NRG2: variants seen among roughly 807,000 people sequenced by gnomAD.
The protein encoded by NRG2 is pro-neuregulin-2, membrane-bound isoform.
NRG2 carries 27 observed loss-of-function variants against 73.9 expected under a neutral mutation model. The observed-to-expected ratio is 0.37, with a 90% CI of 0.27 to 0.50. The LOEUF (loss-of-function observed/expected upper bound fraction) is 0.50, where lower values mean the gene tolerates loss of function less well. Ranked by LOEUF, NRG2 falls within the 20% of genes least tolerant of loss-of-function variation. The probability of loss-of-function intolerance (pLI) is 0.96; values close to 1 mark genes in which losing one functional copy is unlikely to be tolerated. For synonymous variants in NRG2, 532 were observed against 541.0 expected, an observed-to-expected ratio of 0.98 and a Z score of 0.23; for missense variants, 1,126 against 1,210.1, an observed-to-expected ratio of 0.93 and a Z score of 1.03.
chr5:139,947,520 C>T (rs958825505), intron 1 of NRG2, among the ~76,000 whole-genome samples: 9 of 152,126 alleles, frequency 5.9e-5, no homozygotes, highest in African/African-American at 1.7e-4. Flanking sequence ...TTGTTTATTA[C>T]GAATAATGCT....
rs1751159522 is a variant in NRG2, at chr5:139,915,223, T to C, written c.701-27712A>G. On this transcript the variant is annotated intron_variant, in intron 1 of 9. Coordinates refer to ENST00000361474, the MANE Select transcript of NRG2 (RefSeq NM_004883.3). This position sits in a 1 kb window ranked among gnomAD's most constrained non-coding sequence, Gnocchi z 4.0. ...CTGTAAAATCATTATCTGACAATCA[T>C]AATTTTATTTTTAAGAGCTTATTAC... is the stretch of plus-strand genomic sequence containing the variant. Among the ~76,000 whole-genome samples, 1 of 152,218 alleles carries C rather than the reference T, an allele frequency of 6.6e-6. No homozygotes were observed. Among genetic ancestry groups the C allele is most frequent in the Non-Finnish European group, 1.5e-5 (1 of 68,030 alleles).
intron 1 of NRG2, among the ~76,000 whole-genome samples, chr5:139,991,876 C>G (rs1295464885): frequency 6.6e-6 from 1 of 152,154 alleles, no homozygotes; most frequent in Non-Finnish European, 1.5e-5. Context: ...CTATGTGAGG[C>G]AGTTTCTGAG....
chr5:139,881,028 C>T, intron 2 of NRG2, 54 bp from the exon 3 acceptor site: 1 of 1,489,510 alleles, frequency 6.7e-7, no homozygotes, highest in Non-Finnish European at 9.4e-7. Flanking sequence ...CCGGCTGTGG[C>T]TCCCCAGCAG....
intron 1 of NRG2, among the ~76,000 whole-genome samples, chr5:139,930,058 A>C (rs1003883951): frequency 6.6e-6 from 1 of 152,188 alleles, no homozygotes; most frequent in Admixed American, 6.5e-5. Context: ...TTCTGTACCA[A>C]GATTTTAACA....
intron 1 of NRG2, among the ~76,000 whole-genome samples, chr5:139,909,870 A>G (rs1256428914): frequency 6.6e-6 from 1 of 152,208 alleles, no homozygotes; most frequent in African/African-American, 2.4e-5. Context: ...AGAGCCCCCT[A>G]ATGCATCAGA....
intron 1 of NRG2, among the ~76,000 whole-genome samples, chr5:140,024,219 A>C (rs1386960589): frequency 6.6e-6 from 1 of 151,904 alleles, no homozygotes; most frequent in Non-Finnish European, 1.5e-5. Flanking sequence ...TTGTTTTCAT[A>C]GTATCTGGTC....
Position 139,852,714 on chromosome 5 carries a change from C to A in NRG2, c.1417-155G>T, listed in dbSNP as rs2302984. 0.08 allele frequency among the ~76,000 whole-genome samples: 12,179 copies of A among 152,238 alleles called. 507 individuals carry two copies. The highest frequency in any genetic ancestry group is 0.13 in the Middle Eastern group (38 of 294). On this transcript the variant is annotated intron_variant, in intron 7 of 9. Transcript: ENST00000361474. The surrounding 1 kb of genome is among the most constrained non-coding windows in gnomAD (Gnocchi z 4.4). The stretch of plus-strand genomic sequence containing the variant: ...GATGTTGGGGCAGCGATGGCTCCAG[C>A]AAATCAACCCCCACCCCTTCCTCAT...
chr5:139,879,473 C>T (rs578255577), intron 3 of NRG2, among the ~76,000 whole-genome samples: 1 of 152,250 alleles, frequency 6.6e-6, no homozygotes, highest in East Asian at 1.9e-4. Flanking sequence ...GCCCATTTTA[C>T]AGTAGGAAAG....
rs1445863671 is a variant in NRG2, at chr5:139,851,940, G to C, written c.1545-109C>G. On this transcript the variant is annotated intron_variant, in intron 8 of 9. Coordinates refer to ENST00000361474, the MANE Select transcript of NRG2 (RefSeq NM_004883.3). The surrounding 1 kb of genome is among the most constrained non-coding windows in gnomAD (Gnocchi z 4.2). ...TCTTCTTCCACCTCGAGCTCCCTTAGCTCAATGCCCTTCTCCACTCTGGGG... is the reference window on the plus strand; with the variant it reads ...TCTTCTTCCACCTCGAGCTCCCTTACCTCAATGCCCTTCTCCACTCTGGGG... 4.6e-6 allele frequency: 4 copies of C among 867,828 alleles called. No homozygotes were observed. Among genetic ancestry groups the C allele is most frequent in the Non-Finnish European group, 7.3e-6 (4 of 550,072 alleles). The allele number at this position is 867,828 out of a possible 1,614,324, so 53.8% of individuals were successfully genotyped here.
At chr5:139,970,453 C>G (rs751703265) in intron 1 of NRG2, among the ~76,000 whole-genome samples, 1 of 151,696 alleles carries the variant, frequency 6.6e-6, no homozygotes, top group African/African-American at 2.4e-5. Context: ...TGGAGGGGCC[C>G]TCAAGAGTGA....
At chr5:139,947,432 A>G (rs182366981) in intron 1 of NRG2, among the ~76,000 whole-genome samples, 1,958 of 152,340 alleles carry the variant, frequency 0.013, 31 homozygotes, top group African/African-American at 0.044. Flanking sequence ...TCTGTTGCCA[A>G]ATAATATTCT....
At chr5:139,866,691 T>A (rs1446895396) in intron 4 of NRG2, among the ~76,000 whole-genome samples, 1 of 152,122 alleles carries the variant, frequency 6.6e-6, no homozygotes, top group Non-Finnish European at 1.5e-5. Context: ...CTGCCCTGGA[T>A]CTCATTCTCT....
chr5:139,919,496 G>A (rs1354291265), intron 1 of NRG2, among the ~76,000 whole-genome samples: 1 of 151,924 alleles, frequency 6.6e-6, no homozygotes, highest in Non-Finnish European at 1.5e-5. Context: ...GGTAGAGGTG[G>A]GTGTTAAGTA....
At chr5:139,963,699 G>T (rs560392523) in intron 1 of NRG2, among the ~76,000 whole-genome samples, 3 of 152,196 alleles carry the variant, frequency 2.0e-5, no homozygotes, top group Non-Finnish European at 4.4e-5. Context: ...TAAAGAAAGA[G>T]GCAGGCTTAG....
At chr5:139,897,886 CA>C (rs1449104779) in intron 1 of NRG2, among the ~76,000 whole-genome samples, 7 of 152,190 alleles carry the variant, frequency 4.6e-5, no homozygotes, top group Non-Finnish European at 1.0e-4. Context: ...TACCATTGCC[CA>C]ACCATTAAGG....
chr5:139,953,308 G>A (rs1398165272), intron 1 of NRG2, among the ~76,000 whole-genome samples: 1 of 152,180 alleles, frequency 6.6e-6, no homozygotes, highest in Admixed American at 6.5e-5. Context: ...CCTGGGGAAG[G>A]GGGTCCTGAG....
At chr5:139,951,989 T>TAGTGA (rs1036304803) in intron 1 of NRG2, among the ~76,000 whole-genome samples, 1 of 152,242 alleles carries the variant, frequency 6.6e-6, no homozygotes, top group African/African-American at 2.4e-5. Flanking sequence ...ATTTAGTTTG[T>TAGTGA]AGTGAAGCTT....
At chr5:139,900,704 A>C (rs1272696815) in intron 1 of NRG2, among the ~76,000 whole-genome samples, 1 of 152,232 alleles carries the variant, frequency 6.6e-6, no homozygotes, top group Non-Finnish European at 1.5e-5. Flanking sequence ...CTGACCAGGT[A>C]TGGGTAGCAA....
intron 3 of NRG2, among the ~76,000 whole-genome samples, chr5:139,872,697 A>C (rs868760580): frequency 4.6e-5 from 7 of 152,196 alleles, no homozygotes; most frequent in Admixed American, 1.3e-4. Context: ...GCTGGGCCTT[A>C]AGGCTTCTAG....
Sources: allele counts gnomAD v4.1 joint callset (sites outside exome capture counted in the v4.1 genomes callset), GRCh38; gene constraint gnomAD v4.1.1; non-coding constraint Gnocchi (gnomAD v3.1); transcripts MANE v1.5; gene names NCBI Gene and HGNC (gene_info 2026-07-23, HGNC 2026-07-21).